XYLT1: variants seen among roughly 807,000 people sequenced by gnomAD.
XYLT1 encodes beta-D-xylosyltransferase 1.
Under a neutral mutation model 91.3 loss-of-function variants are expected in XYLT1, and 36 were observed. The ratio of observed to expected loss-of-function variants is 0.39; its 90% CI spans 0.30 to 0.52. The LOEUF (loss-of-function observed/expected upper bound fraction) is 0.52. Ranked by LOEUF, XYLT1 falls within the 20% of genes least tolerant of loss-of-function variation. XYLT1 has a pLI of 0.68. For missense variants in XYLT1, 1,242 were observed against 1,284.5 expected (o/e 0.97, Z 0.51); for synonymous variants, 588 against 532.0 (o/e 1.11, Z -1.45).
At chr16:17,314,040 C>T (rs2034589611) in intron 2 of XYLT1, among the ~76,000 whole-genome samples, 1 of 152,158 alleles carries the variant, frequency 6.6e-6, no homozygotes, top group Non-Finnish European at 1.5e-5. Context: ...GTCTGTCCAG[C>T]CAAAAGAACA....
chr16:17,359,869 G>A (rs542475861), intron 1 of XYLT1, among the ~76,000 whole-genome samples: 3 of 152,164 alleles, frequency 2.0e-5, no homozygotes, highest in Non-Finnish European at 4.4e-5. Context: ...TGTATCACTC[G>A]CATGCAGAAA....
chr16:17,465,410 G>T (rs1216130370), intron 1 of XYLT1, among the ~76,000 whole-genome samples: 1 of 151,992 alleles, frequency 6.6e-6, no homozygotes, highest in African/African-American at 2.4e-5. Context: ...AAGACAGTAA[G>T]GTAACATTTA....
At chr16:17,208,339 T>TC (rs2032695206) in intron 3 of XYLT1, among the ~76,000 whole-genome samples, 1 of 151,086 alleles carries the variant, frequency 6.6e-6, no homozygotes, top group Non-Finnish European at 1.5e-5. Context: ...GCACTTCTCT[T>TC]TAAAAAAAAA....
intron 2 of XYLT1, among the ~76,000 whole-genome samples, chr16:17,278,947 C>T (rs2034017781): frequency 6.6e-6 from 1 of 152,178 alleles, no homozygotes. Context: ...GTGAACATTT[C>T]CTTCCTGGTT....
At chr16:17,193,533 AG>A (rs1437287458) in intron 5 of XYLT1, 2 of 152,174 alleles carry the variant, frequency 1.3e-5, no homozygotes, top group Non-Finnish European at 2.9e-5. Context: ...CCCCACAGTG[AG>A]GGTTGTGCAG....
Position 17,312,278 on chromosome 16 carries a change from G to C in XYLT1, c.402+45734C>G, listed in dbSNP as rs2034563122. Among the ~76,000 whole-genome samples the C allele has an allele frequency of 6.6e-6, 1 of 152,102 alleles. No homozygotes were observed. Among genetic ancestry groups the C allele is most frequent in the Non-Finnish European group, 1.5e-5 (1 of 68,028 alleles). On this transcript the variant is annotated intron_variant, in intron 2 of 11. Coordinates refer to ENST00000261381, the MANE Select transcript of XYLT1 (RefSeq NM_022166.4). This position sits in a 1 kb window ranked among gnomAD's most constrained non-coding sequence, Gnocchi z 4.4. ...AGGAGGGAGATCCAGGGGAAGGGTA[G>C]GGCCTGGAGATCACAGAAGTTCTGC... is the stretch of plus-strand genomic sequence containing the variant.
At chr16:17,223,072 G>A (rs2141611292) in intron 3 of XYLT1, among the ~76,000 whole-genome samples, 1 of 151,654 alleles carries the variant, frequency 6.6e-6, no homozygotes, top group Non-Finnish European at 1.5e-5. Context: ...CATTTGTTAA[G>A]TGCCTCTCTC....
chr16:17,361,839 T>G (rs1423657122), intron 1 of XYLT1, among the ~76,000 whole-genome samples: 1 of 152,276 alleles, frequency 6.6e-6, no homozygotes, highest in African/African-American at 2.4e-5. Flanking sequence ...ATTACTTGAC[T>G]GAGGTTCTGA....
intron 3 of XYLT1, among the ~76,000 whole-genome samples, chr16:17,211,684 C>A (rs746859632): frequency 4.6e-5 from 7 of 152,160 alleles, no homozygotes; most frequent in Non-Finnish European, 7.3e-5. Context: ...ACTGTTCTGA[C>A]GTCAAATACC....
rs2034254639 is a variant in XYLT1, at chr16:17,293,037, C to CA, written c.403-33540dup. 2.0e-5 allele frequency among the ~76,000 whole-genome samples: 3 copies of CA among 152,170 alleles called. No homozygotes were observed. The South Asian group carries it at 6.2e-4, about 32-fold the overall frequency. ...TGCAGGCATGGGAGCATTTCAGAGC[C>CA]AAAATTCCCACCTGCAGCTACAAGC... On this transcript the variant is annotated intron_variant, in intron 2 of 11. Transcript: ENST00000261381.
At position 17,321,960 on chromosome 16, in the gene XYLT1, A is replaced by T. The variant is rs376287617; in HGVS notation, c.402+36052T>A. ...TTGCTAACAATGGGAAGGAAAGAAGAAGTAGTGAAGGGAACTTATCATCAC... is the reference window on the plus strand; with the variant it reads ...TTGCTAACAATGGGAAGGAAAGAAGTAGTAGTGAAGGGAACTTATCATCAC... On this transcript the variant is annotated intron_variant, in intron 2 of 11. Coordinates refer to ENST00000261381, the MANE Select transcript of XYLT1 (RefSeq NM_022166.4). Among the ~76,000 whole-genome samples the T allele has an allele frequency of 1.7e-4, 26 of 152,280 alleles. No homozygotes were observed. The East Asian group carries it at 4.4e-3, about 26-fold the overall frequency.
At chr16:17,309,934 C>A (rs1170669151) in intron 2 of XYLT1, among the ~76,000 whole-genome samples, 1 of 152,030 alleles carries the variant, frequency 6.6e-6, no homozygotes, top group Non-Finnish European at 1.5e-5. Flanking sequence ...GGGGTAGGGG[C>A]CCCAGGGGCC....
chr16:17,209,562 T>A (rs1321056600), intron 3 of XYLT1, among the ~76,000 whole-genome samples: 1 of 152,200 alleles, frequency 6.6e-6, no homozygotes, highest in Non-Finnish European at 1.5e-5. Context: ...TAATGTTTTA[T>A]TTTTAGGAGC....
chr16:17,218,078 T>G lies in XYLT1; in HGVS notation c.914-17424A>C, dbSNP rs545677153. 5.9e-5 allele frequency among the ~76,000 whole-genome samples: 9 copies of G among 152,082 alleles called. No individual in the cohort carries two copies. The South Asian group carries it at 1.9e-3, about 32-fold the overall frequency. On this transcript the variant is annotated intron_variant, in intron 3 of 11. Coordinates refer to ENST00000261381, the MANE Select transcript of XYLT1 (RefSeq NM_022166.4). Reference sequence around the variant, plus strand: ...TTCGAGACCAGCCTGGCCAACATGGTGAAACCTCATCTCTACTAAAAATAC... The same window carrying G: ...TTCGAGACCAGCCTGGCCAACATGGGGAAACCTCATCTCTACTAAAAATAC...
chr16:17,301,750 C>A (rs1008061098), intron 2 of XYLT1, among the ~76,000 whole-genome samples: 1 of 152,194 alleles, frequency 6.6e-6, no homozygotes, highest in African/African-American at 2.4e-5. Flanking sequence ...TCAACTCTCA[C>A]TTCTTAGATG....
chr16:17,279,627 C>T (rs1306609507), intron 2 of XYLT1, among the ~76,000 whole-genome samples: 1 of 152,182 alleles, frequency 6.6e-6, no homozygotes, highest in Non-Finnish European at 1.5e-5. Context: ...ACACTGTGGG[C>T]TAACTATTGG....
intron 5 of XYLT1, among the ~76,000 whole-genome samples, chr16:17,183,052 T>C (rs1216312024): frequency 2.6e-5 from 4 of 152,158 alleles, no homozygotes; most frequent in African/African-American, 9.7e-5. Context: ...CTCCCTGGGG[T>C]CAACCACTTA....
chr16:17,300,818 T>C (rs2034384479), intron 2 of XYLT1, among the ~76,000 whole-genome samples: 1 of 151,976 alleles, frequency 6.6e-6, no homozygotes, highest in Non-Finnish European at 1.5e-5. Context: ...GAACAATCGA[T>C]GAGCTAGATA....
intron 2 of XYLT1, among the ~76,000 whole-genome samples, chr16:17,353,927 T>C (rs2035256851): frequency 6.6e-6 from 1 of 152,200 alleles, no homozygotes; most frequent in South Asian, 2.1e-4. Context: ...CCTGGGCAAG[T>C]TACTTAGCCT....
Sources: allele counts gnomAD v4.1 joint callset (sites outside exome capture counted in the v4.1 genomes callset), GRCh38; gene constraint gnomAD v4.1.1; non-coding constraint Gnocchi (gnomAD v3.1); transcripts MANE v1.5; gene names NCBI Gene and HGNC (gene_info 2026-07-23, HGNC 2026-07-21).